Variants in TUBA3E observed in about 807,000 individuals in gnomAD.
The protein encoded by TUBA3E is tubulin alpha 3e.
A neutral mutation model predicts 36.7 loss-of-function variants in TUBA3E; 21 were observed. That is an observed-to-expected ratio of 0.57 (90% CI 0.41 to 0.83). The LOEUF (loss-of-function observed/expected upper bound fraction) is 0.83. Among genes scored for constraint, TUBA3E ranks in the 40% least tolerant of loss-of-function variants. The probability of loss-of-function intolerance (pLI) is 0.00; values close to 1 mark genes in which losing one functional copy is unlikely to be tolerated. For synonymous variants in TUBA3E, 177 were observed against 241.9 expected, an observed-to-expected ratio of 0.73 and a Z score of 2.49; for missense variants, 469 against 604.2, an observed-to-expected ratio of 0.78 and a Z score of 2.35.
rs1171658642 is a variant in TUBA3E, at chr2:130,191,974, A to T, written c.1210T>A (p.Phe404Ile). 1 of 1,613,762 alleles carries T rather than the reference A, an allele frequency of 6.2e-7. No homozygotes were observed. The highest frequency in any genetic ancestry group is 1.1e-5 in the South Asian group (1 of 91,050). The change falls in exon 5 of 5, where the codon TTT becomes ATT. Residue 404 changes from phenylalanine to isoleucine, a missense_variant. Around this residue, in one of 3 missense-constraint regions of TUBA3E, gnomAD observed 296 missense variants for 346.9 expected, o/e 0.85. Coordinates refer to ENST00000312988, the MANE Select transcript of TUBA3E (RefSeq NM_207312.3). ...CCTTCGCCCACGTACCAGTGCACAA[A>T]GGCCCACTTGGCATACATGAGATCG... ...KFDLMYAKWA[F>I]VHWYVGEGME...
intron 4 of TUBA3E, among the ~76,000 whole-genome samples, chr2:130,192,619 T>C (rs1183882017): frequency 6.6e-6 from 1 of 152,190 alleles, no homozygotes; most frequent in East Asian, 1.9e-4. Context: ...TGAATGCTGC[T>C]ACCACAGCAG....
In TUBA3E at chr2:130,197,577, G is replaced by A. The variant is rs1363978399; in HGVS notation, c.3+781C>T. ...TGACAAATCACAGCTATTCAGACTT[G>A]GGACTTGGGAATCTGTTATGTTAAT... On this transcript the variant is annotated intron_variant, in intron 1 of 4. Coordinates refer to ENST00000312988, the MANE Select transcript of TUBA3E (RefSeq NM_207312.3). Among the ~76,000 whole-genome samples, 3 of 126,708 alleles carry A rather than the reference G, an allele frequency of 2.4e-5. 1 individual carries two copies. Among genetic ancestry groups the A allele is most frequent in the Non-Finnish European group, 5.3e-5 (3 of 56,988 alleles). 83.1% of individuals were successfully genotyped at this position (126,708 alleles called of 152,430 possible). A position where few individuals can be genotyped will look rare whatever the true frequency, so the allele number is the denominator to read the frequency against.
At chr2:130,192,244 C>T in intron 4 of TUBA3E, 117 bp from the exon 5 acceptor site, 3 of 1,389,364 alleles carry the variant, frequency 2.2e-6, no homozygotes, top group Non-Finnish European at 2.9e-6. Context: ...CTCAGTTCAC[C>T]TCACAAACGT....
rs570735365 is a variant in TUBA3E, at chr2:130,192,738, C to A, written c.1057-611G>T. 2.6e-5 allele frequency among the ~76,000 whole-genome samples: 4 copies of A among 152,322 alleles called. No individual in the cohort carries two copies. The South Asian group carries it at 8.3e-4, about 32-fold the overall frequency. ...GTTTCAGAACTCGGTAATAACATGA[C>A]CTGAGGTCCTGGCAGCAGTGCACAG... is the stretch of plus-strand genomic sequence containing the variant. On this transcript the variant is annotated intron_variant, in intron 4 of 4. Coordinates refer to ENST00000312988, the MANE Select transcript of TUBA3E (RefSeq NM_207312.3).
rs143269025 is a variant in TUBA3E, at chr2:130,191,778, C to T, written c.*53G>A. ...ATACAGAATCTTTAATTGCAAACAA[C>T]TTGAAAGCAGCCATCCTAGGGGTGG... is the stretch of plus-strand genomic sequence containing the variant. On this transcript the variant is annotated 3_prime_UTR_variant, in exon 5 of 5. Transcript: ENST00000312988. The T allele has an allele frequency of 6.4e-7, 1 of 1,572,218 alleles. No individual in the cohort carries two copies. The highest frequency in any genetic ancestry group is 8.6e-7 in the Non-Finnish European group (1 of 1,159,482).
In TUBA3E at chr2:130,196,971, G is replaced by A. The variant is rs191666839; in HGVS notation, c.4-600C>T. On this transcript the variant is annotated intron_variant, in intron 1 of 4. Transcript: ENST00000312988. ...GCAGTGGGATACTGGGGGGCTGGAGGAAAGCAGTGCCAGGGTACTCCCTCC... is the reference window on the plus strand; with the variant it reads ...GCAGTGGGATACTGGGGGGCTGGAGAAAAGCAGTGCCAGGGTACTCCCTCC... Among the ~76,000 whole-genome samples the A allele has an allele frequency of 1.0e-3, 158 of 152,310 alleles. 1 individual carries two copies. The South Asian group carries it at 0.013, about 12-fold the overall frequency.
Position 130,193,841 on chromosome 2 carries a change from G to A in TUBA3E, c.1001C>T (p.Thr334Ile), listed in dbSNP as rs1209995737. The A allele has an allele frequency of 6.2e-7, 1 of 1,614,108 alleles. No individual in the cohort carries two copies. Among genetic ancestry groups the A allele is most frequent in the Non-Finnish European group, 8.5e-7 (1 of 1,179,990 alleles). Reference protein sequence around the residue: ...VPKDVNAAIATIKTKRTIQFV... With the variant: ...VPKDVNAAIAIIKTKRTIQFV... ...CTGGATAGTGCGCTTGGTCTTGATG[G>A]TGGCGATGGCCGCATTGACGTCTTT... The change falls in exon 4 of 5, where the codon ACC becomes ATC. Residue 334 changes from threonine to isoleucine, a missense_variant. Around this residue, in one of 3 missense-constraint regions of TUBA3E, gnomAD observed 296 missense variants for 346.9 expected, o/e 0.85. Coordinates refer to ENST00000312988, the MANE Select transcript of TUBA3E (RefSeq NM_207312.3).
rs149095256 is a variant in TUBA3E, at chr2:130,191,892, T to C, written c.1292A>G (p.Asp431Gly). The C allele has an allele frequency of 7.3e-5, 117 of 1,613,658 alleles. No individual in the cohort carries two copies. Among genetic ancestry groups the C allele is most frequent in the Admixed American group, 1.5e-4 (9 of 59,988 alleles). ...AREDLAALEK[D>G]CEEVGVDSVE... is the part of the protein sequence containing the mutation. Reference sequence around the variant, plus strand: ...GGAATCCACGCCCACCTCTTCACAATCCTTCTCTAGAGCTGCCAGGTCCTC... The same window carrying C: ...GGAATCCACGCCCACCTCTTCACAACCCTTCTCTAGAGCTGCCAGGTCCTC... Residue 431 changes from aspartate (D) to glycine (G), a missense_variant, in exon 5 of 5, where the codon GAT becomes GGT. This residue lies in a region of TUBA3E where 296 missense variants were observed against 346.9 expected (regional missense o/e 0.85). Coordinates refer to ENST00000312988, the MANE Select transcript of TUBA3E (RefSeq NM_207312.3).
rs530912612 is a variant in TUBA3E at position 130,197,865 on chromosome 2, C to T, written c.3+493G>A. Among the ~76,000 whole-genome samples the T allele has an allele frequency of 1.4e-3, 180 of 125,368 alleles. 22 individuals are homozygous for T. Among genetic ancestry groups the T allele is most frequent in the African/African-American group, 4.9e-3 (175 of 35,586 alleles). 82.2% of individuals were successfully genotyped at this position (125,368 alleles called of 152,430 possible). ...TCAGGGGATCCGCCCGCCTCCACCT[C>T]CCCAAGGGCTGGGATTCCAGGCGTG... On this transcript the variant is annotated intron_variant, in intron 1 of 4. Coordinates refer to ENST00000312988, the MANE Select transcript of TUBA3E (RefSeq NM_207312.3).
intron 1 of TUBA3E, among the ~76,000 whole-genome samples, chr2:130,197,734 G>A (rs1455195756): frequency 1.6e-5 from 2 of 123,048 alleles, no homozygotes; most frequent in Non-Finnish European, 3.6e-5. Context: ...AGCCTCCCGA[G>A]TAGCTGGAAC....
intron 4 of TUBA3E, among the ~76,000 whole-genome samples, chr2:130,193,179 T>C (rs1450727616): frequency 1.3e-5 from 2 of 149,440 alleles, no homozygotes; most frequent in African/African-American, 4.9e-5. Flanking sequence ...CGCTAGAGTC[T>C]GGGAGGCAGA....
Position 130,192,104 on chromosome 2 carries a change from G to T in TUBA3E, c.1080C>A (p.Pro360=), listed in dbSNP as rs140400985. Residue 360 remains proline (P), a synonymous_variant, in exon 5 of 5, where the codon CCC becomes CCA. Coordinates refer to ENST00000312988, the MANE Select transcript of TUBA3E (RefSeq NM_207312.3). ...CCAGGTCTCCCCCGGGGACCACTGT[G>T]GGGGGCTGGTAGTTAATGCCCACCT... The part of the protein sequence containing the change: ...GFKVGINYQP[P]TVVPGGDLAK... 8.5e-3 allele frequency: 13,591 copies of T among 1,601,332 alleles called. 930 individuals are homozygous for T. In the African/African-American group the frequency reaches 0.15, roughly 18 times the overall value.
rs541942420 is a variant in TUBA3E at position 130,197,768 on chromosome 2, G to A, written c.3+590C>T. Among the ~76,000 whole-genome samples the A allele has an allele frequency of 2.1e-3, 263 of 123,040 alleles. 30 individuals carry two copies. Among genetic ancestry groups the A allele is most frequent in the African/African-American group, 7.2e-3 (252 of 35,060 alleles). The allele number at this position is 123,040 out of a possible 152,430, so 80.7% of individuals were successfully genotyped here. ...ACCACAGACTCGCATCACCATGCCC[G>A]GGTAATTTTAGTATTTTTTTGTAGA... On this transcript the variant is annotated intron_variant, in intron 1 of 4. Coordinates refer to ENST00000312988, the MANE Select transcript of TUBA3E (RefSeq NM_207312.3).
At chr2:130,197,867 C>T (rs1265185638) in intron 1 of TUBA3E, among the ~76,000 whole-genome samples, 3 of 125,242 alleles carry the variant, frequency 2.4e-5, no homozygotes, top group African/African-American at 8.5e-5. Context: ...CTCCACCTCC[C>T]CAAGGGCTGG....
intron 2 of TUBA3E, among the ~76,000 whole-genome samples, chr2:130,195,593 A>T (rs1690384662): frequency 6.6e-6 from 1 of 152,224 alleles, no homozygotes; most frequent in Non-Finnish European, 1.5e-5. Context: ...GGTCAGTGTG[A>T]CTTCTGCAGG....
intron 3 of TUBA3E, among the ~76,000 whole-genome samples, chr2:130,194,859 GTAGACA>G (rs1283979828): frequency 6.6e-6 from 1 of 152,116 alleles, no homozygotes; most frequent in East Asian, 1.9e-4. Flanking sequence ...CGTATTTTTA[GTAGACA>G]TAGAGTTTCA....
chr2:130,196,559 C>T (rs1690409708), intron 1 of TUBA3E, among the ~76,000 whole-genome samples, 188 bp from the exon 2 acceptor site: 1 of 152,202 alleles, frequency 6.6e-6, no homozygotes, highest in Non-Finnish European at 1.5e-5. Flanking sequence ...GTAAACCATA[C>T]TAGCTAGTAA....
rs1323900152 is a variant in TUBA3E at position 130,196,277 on chromosome 2, T to C, written c.98A>G (p.Asp33Gly). 1.2e-6 allele frequency: 2 copies of C among 1,613,932 alleles called. No homozygotes were observed. Among genetic ancestry groups the C allele is most frequent in the Non-Finnish European group, 1.7e-6 (2 of 1,179,944 alleles). The change falls in exon 2 of 5, where the codon GAT becomes GGT. Residue 33 changes from aspartate (D) to glycine (G), a missense_variant. Coordinates refer to ENST00000312988, the MANE Select transcript of TUBA3E (RefSeq NM_207312.3). ...LYCLEHGIQP[D>G]GQMPSDKTIG... is the part of the protein sequence containing the mutation. ...GGTTTTATCACTTGGCATTTGACCA[T>C]CGGGCTGAATTCCATGTTCAAGGCA...
At position 130,198,206 on chromosome 2, in the gene TUBA3E, A is replaced by T. The variant is rs149796591; in HGVS notation, c.3+152T>A. 6 of 916,098 alleles carry T rather than the reference A, an allele frequency of 6.5e-6. 1 individual carries two copies. Among genetic ancestry groups the T allele is most frequent in the African/African-American group, 1.9e-5 (1 of 53,800 alleles). The allele number at this position is 916,098 out of a possible 1,614,324, so 56.7% of individuals were successfully genotyped here. On this transcript the variant is annotated intron_variant, in intron 1 of 4. Coordinates refer to ENST00000312988, the MANE Select transcript of TUBA3E (RefSeq NM_207312.3). Reference sequence around the variant, plus strand: ...CTGCCCTGGGACCTGCAGATCCAGGAAACGATCCCGTGTCCTCCTGTCCCG... The same window carrying T: ...CTGCCCTGGGACCTGCAGATCCAGGTAACGATCCCGTGTCCTCCTGTCCCG...
Sources: gnomAD v4.1 joint callset for allele counts (sites outside exome capture counted in the v4.1 genomes callset) on GRCh38, gnomAD v4.1.1 for gene constraint, gnomAD v4.1.1 regional missense constraint, MANE v1.5 for transcripts, NCBI Gene and HGNC (gene_info 2026-07-23, HGNC 2026-07-21) for gene names.